The following SESN3 variants were observed in gnomAD, a reference collection of about 807,000 sequenced individuals.
SESN3 encodes sestrin 3, also known as sestrin-3.
SESN3 carries 21 observed loss-of-function variants against 55.3 expected under a neutral mutation model. The ratio of observed to expected loss-of-function variants is 0.38; its 90% CI spans 0.27 to 0.55. The LOEUF is 0.55. SESN3 is among the 20% of genes least tolerant of loss of function. SESN3 has a pLI of 0.76. For synonymous variants in SESN3, 181 were observed against 203.1 expected (o/e 0.89, Z 0.93); for missense variants, 408 against 604.3 (o/e 0.68, Z 3.41).
intron 1 of SESN3, among the ~76,000 whole-genome samples, chr11:95,226,215 G>A (rs1860945969): frequency 6.6e-6 from 1 of 152,122 alleles, no homozygotes; most frequent in East Asian, 1.9e-4. Context: ...ATATGGACTT[G>A]TCCTTTTCTT....
At chr11:95,194,479 G>A (rs1860324818) in intron 1 of SESN3, among the ~76,000 whole-genome samples, 1 of 152,092 alleles carries the variant, frequency 6.6e-6, no homozygotes, top group Non-Finnish European at 1.5e-5. Flanking sequence ...GATACAGGGT[G>A]AGGAAAACAG....
Position 95,169,458 on chromosome 11 carries a change from T to A in SESN3, c.*3797A>T, listed in dbSNP as rs1308949247. ...ATTGTTATGTACTGTTTAGTCCATG[T>A]TAAGACCATCTCTTTGCATAAAAGC... On this transcript the variant is annotated 3_prime_UTR_variant, in exon 10 of 10. Transcript: ENST00000536441. 1 of 152,238 alleles carries A rather than the reference T, an allele frequency of 6.6e-6. No individual in the cohort carries two copies. The highest frequency in any genetic ancestry group is 1.5e-5 in the Non-Finnish European group (1 of 68,032). The allele number at this position is 152,238 out of a possible 1,614,324, so 9.4% of individuals were successfully genotyped here. A position where few individuals can be genotyped will look rare whatever the true frequency, so the allele number is the denominator to read the frequency against.
At chr11:95,183,820 C>T (rs1306146803) in intron 6 of SESN3, among the ~76,000 whole-genome samples, 2 of 151,804 alleles carry the variant, frequency 1.3e-5, no homozygotes, top group African/African-American at 4.8e-5. Context: ...AGTTTATTTC[C>T]TATTTCAGTC....
rs778257507 is a variant in SESN3, at chr11:95,230,791, G to A, written c.70C>T (p.Leu24=). The stretch of plus-strand genomic sequence containing the variant: ...CCGGGCCGAACCCGTACCTTCCGCA[G>A]CACTTTCCGGCAGTTGGTACAGAGC... ...YLLCTNCRKV[L]RKDKRIRVSQ... Residue 24 remains leucine, a synonymous_variant, in exon 1 of 10, where the codon CTG becomes TTG. Coordinates refer to ENST00000536441, the MANE Select transcript of SESN3 (RefSeq NM_144665.4). The surrounding 1 kb of genome is among the most constrained non-coding windows in gnomAD (Gnocchi z 4.6). The A allele has an allele frequency of 4.2e-5, 68 of 1,603,960 alleles. No homozygotes were observed. Among genetic ancestry groups the A allele is most frequent in the Non-Finnish European group, 5.8e-5 (68 of 1,175,718 alleles).
At chr11:95,184,292 A>G (rs578063187) in intron 6 of SESN3, 128 bp downstream of exon 6, 1 of 732,456 alleles carries the variant, frequency 1.4e-6, no homozygotes, top group Admixed American at 2.6e-5. Context: ...AGGGTAAGAT[A>G]GAAGAGGAGA....
intron 1 of SESN3, among the ~76,000 whole-genome samples, chr11:95,229,047 ATTTT>A (rs950484744): frequency 2.6e-5 from 4 of 152,184 alleles, no homozygotes; most frequent in African/African-American, 4.8e-5. Flanking sequence ...CCATTAAAAA[ATTTT>A]TTTATCAAAG....
intron 1 of SESN3, among the ~76,000 whole-genome samples, chr11:95,197,748 G>A (rs1018691826): frequency 5.3e-5 from 8 of 152,018 alleles, no homozygotes; most frequent in Non-Finnish European, 1.0e-4. Flanking sequence ...ACTCAAATTT[G>A]TTATGGTGAC....
chr11:95,224,535 A>G (rs752915762), intron 1 of SESN3: 1 of 406,020 alleles, frequency 2.5e-6, no homozygotes, highest in Non-Finnish European at 4.8e-6. Flanking sequence ...CTGTTGGTCA[A>G]TTGAAAAATA....
chr11:95,215,859 G>GATC, intron 1 of SESN3, among the ~76,000 whole-genome samples: 1 of 152,236 alleles, frequency 6.6e-6, no homozygotes, highest in East Asian at 1.9e-4. Context: ...AGCACTTTGG[G>GATC]AGGCCGAGGC....
intron 4 of SESN3, among the ~76,000 whole-genome samples, chr11:95,186,494 G>A (rs1214508129): frequency 6.6e-6 from 1 of 151,806 alleles, no homozygotes; most frequent in Non-Finnish European, 1.5e-5. Context: ...GAAAAGATCT[G>A]TTAAAGAACA....
intron 5 of SESN3, 55 bp from the exon 6 acceptor site, chr11:95,184,649 A>G: frequency 6.7e-7 from 1 of 1,490,144 alleles, no homozygotes; most frequent in South Asian, 1.2e-5. Context: ...TGTTCCAGTA[A>G]ATATCTCCAT....
chr11:95,170,363 G>A lies in SESN3; in HGVS notation c.*2892C>T, dbSNP rs1033579425. The A allele has an allele frequency of 9.2e-5, 14 of 152,202 alleles. No individual in the cohort carries two copies. Among genetic ancestry groups the A allele is most frequent in the African/African-American group, 3.1e-4 (13 of 41,516 alleles). 9.4% of individuals were successfully genotyped at this position (152,202 alleles called of 1,614,324 possible). A position where few individuals can be genotyped will look rare whatever the true frequency, so the allele number is the denominator to read the frequency against. Reference sequence around the variant, plus strand: ...ACATTATTCAAGCATACACATCAGTGGACTATGAAGACTAATTTTAACATA... The same window carrying A: ...ACATTATTCAAGCATACACATCAGTAGACTATGAAGACTAATTTTAACATA... On this transcript the variant is annotated 3_prime_UTR_variant, in exon 10 of 10. Transcript: ENST00000536441.
chr11:95,212,159 C>T (rs1247449032), intron 1 of SESN3, among the ~76,000 whole-genome samples: 1 of 151,978 alleles, frequency 6.6e-6, no homozygotes, highest in Admixed American at 6.6e-5. Flanking sequence ...AACATAAGAA[C>T]AAGTATTTAA....
Position 95,198,454 on chromosome 11 carries a change from G to A in SESN3, c.79-4932C>T, listed in dbSNP as rs117651667. Among the ~76,000 whole-genome samples, 1,202 of 151,976 alleles carry A rather than the reference G, an allele frequency of 7.9e-3. 8 individuals carry two copies. Among genetic ancestry groups the A allele is most frequent in the Admixed American group, 0.022 (339 of 15,260 alleles). On this transcript the variant is annotated intron_variant, in intron 1 of 9. Transcript: ENST00000536441. Reference sequence around the variant, plus strand: ...TCTATGCTATAAGTGAAAATATGCAGTGGCTGCACTAATTTTGAGGAATAA... The same window carrying A: ...TCTATGCTATAAGTGAAAATATGCAATGGCTGCACTAATTTTGAGGAATAA...
intron 1 of SESN3, among the ~76,000 whole-genome samples, chr11:95,227,723 T>C (rs559264689): frequency 1.3e-5 from 2 of 152,358 alleles, no homozygotes; most frequent in South Asian, 2.1e-4. Flanking sequence ...CCAAAGTACA[T>C]TGGAATATGC....
intron 5 of SESN3, 125 bp from the exon 6 acceptor site, chr11:95,184,719 G>T: frequency 1.3e-6 from 1 of 762,862 alleles, no homozygotes. Flanking sequence ...TTCTTAAGTC[G>T]GTTTTTCACC....
At chr11:95,214,156 T>C (rs1860709487) in intron 1 of SESN3, among the ~76,000 whole-genome samples, 1 of 152,146 alleles carries the variant, frequency 6.6e-6, no homozygotes, top group Non-Finnish European at 1.5e-5. Context: ...CACAGAAGGA[T>C]AGAAAAATGG....
chr11:95,182,974 C>G lies in SESN3; in HGVS notation c.937+1446G>C, dbSNP rs117724356. Among the ~76,000 whole-genome samples the G allele has an allele frequency of 3.3e-3, 498 of 152,216 alleles. 1 individual carries two copies. Among genetic ancestry groups the G allele is most frequent in the Admixed American group, 7.3e-3 (111 of 15,288 alleles). On this transcript the variant is annotated intron_variant, in intron 6 of 9. Transcript: ENST00000536441. The stretch of plus-strand genomic sequence containing the variant: ...GAGCCAAGGGCTGCAGGCATTCTTC[C>G]TCTAGGTTCCTCTTCTGCCTACACC...
Position 95,173,121 on chromosome 11 carries a change from A to C in SESN3, c.*134T>G, listed in dbSNP as rs373458894. The C allele has an allele frequency of 2.7e-3, 1,392 of 520,016 alleles. 6 individuals carry two copies. The highest frequency in any genetic ancestry group is 0.018 in the African/African-American group (967 of 53,088). The allele number at this position is 520,016 out of a possible 1,614,324, so 32.2% of individuals were successfully genotyped here. On this transcript the variant is annotated 3_prime_UTR_variant, in exon 10 of 10. Transcript: ENST00000536441. ...TGCACATTACAGCCGCAAAAAACAA[A>C]AAAAAAAAAACAAACGGCTAAACTT...
Sources: allele counts gnomAD v4.1 joint callset (sites outside exome capture counted in the v4.1 genomes callset), GRCh38; gene constraint gnomAD v4.1.1; non-coding constraint Gnocchi (gnomAD v3.1); transcripts MANE v1.5; gene names NCBI Gene and HGNC (gene_info 2026-07-23, HGNC 2026-07-21).